The following PPARGC1A variants were observed in gnomAD, a reference collection of about 807,000 sequenced individuals.
The protein encoded by PPARGC1A is peroxisome proliferator-activated receptor gamma coactivator 1-alpha.
Under a neutral mutation model 88.7 loss-of-function variants are expected in PPARGC1A, and 25 were observed. The ratio of observed to expected loss-of-function variants is 0.28; its 90% CI spans 0.21 to 0.39. The LOEUF is 0.39. Ranked by LOEUF, PPARGC1A falls within the 10% of genes least tolerant of loss-of-function variation. The pLI is 1.00. For synonymous variants in PPARGC1A, 363 were observed against 355.6 expected, an observed-to-expected ratio of 1.02 and a Z score of -0.24; for missense variants, 880 against 968.7, an observed-to-expected ratio of 0.91 and a Z score of 1.22.
At chr4:24,340,216 T>G in the PPARGC1A span, among the ~76,000 whole-genome samples, 1 of 152,234 alleles carries the variant, frequency 6.6e-6, no homozygotes. Flanking sequence ...CATTTTGAAC[T>G]ATAGAGATAT....
chr4:23,937,874 C>G, the PPARGC1A span, among the ~76,000 whole-genome samples: 1 of 152,136 alleles, frequency 6.6e-6, no homozygotes, highest in Non-Finnish European at 1.5e-5. Context: ...TTCAATTATA[C>G]GACTTCTCAT....
chr4:24,456,524 T>C, the PPARGC1A span, among the ~76,000 whole-genome samples: 2 of 152,144 alleles, frequency 1.3e-5, no homozygotes, highest in Admixed American at 1.3e-4. Flanking sequence ...TTCTTTGGTA[T>C]GGCTGGTTTT....
At position 23,828,488 on chromosome 4, in the gene PPARGC1A, G is replaced by C. The variant is rs775464122; in HGVS notation, c.669C>G (p.Thr223=). 3 of 1,613,918 alleles carry C rather than the reference G, an allele frequency of 1.9e-6. No individual in the cohort carries two copies. The highest frequency in any genetic ancestry group is 2.5e-6 in the Non-Finnish European group (3 of 1,179,954). ...TGCTGTTTCTGTTCTCTGTGGGTTTGGTGTGAGGAGGGTCATCGTTTGTGG... is the reference window on the plus strand; with the variant it reads ...TGCTGTTTCTGTTCTCTGTGGGTTTCGTGTGAGGAGGGTCATCGTTTGTGG... ...YLTTNDDPPH[T]KPTENRNSSR... Residue 223 remains threonine, a synonymous_variant, in exon 5 of 13, where the codon ACC becomes ACG. Transcript: ENST00000264867.
At chr4:23,916,891 G>A in the PPARGC1A span, among the ~76,000 whole-genome samples, 30,645 of 152,122 alleles carry the variant, frequency 0.2, 3,384 homozygotes, top group East Asian at 0.36. Flanking sequence ...GTATTAACAT[G>A]AACATTTTTA....
the PPARGC1A span, among the ~76,000 whole-genome samples, chr4:24,447,448 C>T: frequency 6.6e-6 from 1 of 152,176 alleles, no homozygotes; most frequent in African/African-American, 2.4e-5. Flanking sequence ...ACAGGGCTGG[C>T]AGCCATTGGG....
At chr4:24,037,414 C>A in the PPARGC1A span, among the ~76,000 whole-genome samples, 1 of 152,142 alleles carries the variant, frequency 6.6e-6, no homozygotes, top group Non-Finnish European at 1.5e-5. Flanking sequence ...TCTTCCCGAG[C>A]TCACCTTCAT....
chr4:24,362,350 C>T, the PPARGC1A span, among the ~76,000 whole-genome samples: 1 of 148,946 alleles, frequency 6.7e-6, no homozygotes, highest in African/African-American at 2.5e-5. Flanking sequence ...GAACACATGA[C>T]TGGATGGATG....
intron 11 of PPARGC1A, among the ~76,000 whole-genome samples, 155 bp from the exon 12 acceptor site, chr4:23,802,036 T>C (rs1211245011): frequency 6.6e-6 from 1 of 152,152 alleles, no homozygotes; most frequent in Non-Finnish European, 1.5e-5. Context: ...TAAATACTTA[T>C]TTCTGGGACA....
chr4:23,926,149 C>T, the PPARGC1A span, among the ~76,000 whole-genome samples: 2 of 152,158 alleles, frequency 1.3e-5, no homozygotes, highest in East Asian at 3.9e-4. Context: ...ATCTCATTGC[C>T]TCTCATGGCT....
At chr4:23,912,648 C>T in the PPARGC1A span, among the ~76,000 whole-genome samples, 1 of 152,102 alleles carries the variant, frequency 6.6e-6, no homozygotes, top group Non-Finnish European at 1.5e-5. Flanking sequence ...TCCCTATGAG[C>T]TATGAAACCT....
the PPARGC1A span, among the ~76,000 whole-genome samples, chr4:23,950,988 T>C: frequency 6.6e-6 from 1 of 152,090 alleles, no homozygotes; most frequent in Admixed American, 6.6e-5. Flanking sequence ...GATTACGTAG[T>C]CCTCTCTGCT....
chr4:24,091,495 T>A, the PPARGC1A span: 1 of 985,392 alleles, frequency 1.0e-6, no homozygotes, highest in South Asian at 4.7e-5. Flanking sequence ...GCTGAAGTAC[T>A]TTTTTCCAGT....
chr4:24,426,218 T>C, the PPARGC1A span, among the ~76,000 whole-genome samples: 2 of 152,180 alleles, frequency 1.3e-5, no homozygotes, highest in Admixed American at 6.5e-5. Context: ...ACTATTGATA[T>C]TGTGATTCTT....
chr4:24,045,644 T>C, the PPARGC1A span, among the ~76,000 whole-genome samples: 1 of 152,178 alleles, frequency 6.6e-6, no homozygotes, highest in Non-Finnish European at 1.5e-5. Context: ...GTCTTCAAAT[T>C]TCTCTCTTCT....
the PPARGC1A span, among the ~76,000 whole-genome samples, chr4:24,029,357 AT>A: frequency 6.6e-6 from 1 of 152,134 alleles, no homozygotes; most frequent in African/African-American, 2.4e-5. Flanking sequence ...ACATTATCCT[AT>A]TTTCCCTATA....
the PPARGC1A span, among the ~76,000 whole-genome samples, chr4:24,213,123 GC>G: frequency 6.7e-6 from 1 of 149,790 alleles, no homozygotes; most frequent in East Asian, 2.0e-4. Context: ...CTACTCCATC[GC>G]CCCCGAGTCT....
chr4:23,861,804 A>G (rs1485474234), intron 2 of PPARGC1A, among the ~76,000 whole-genome samples: 3 of 152,254 alleles, frequency 2.0e-5, no homozygotes, highest in African/African-American at 7.2e-5. Context: ...GGGGAAATAT[A>G]CATATATTCC....
At chr4:24,447,777 C>A in the PPARGC1A span, among the ~76,000 whole-genome samples, 6 of 152,182 alleles carry the variant, frequency 3.9e-5, no homozygotes, top group Admixed American at 2.6e-4. Flanking sequence ...AGGTCCTAAA[C>A]GTTAGGAGAA....
the PPARGC1A span, among the ~76,000 whole-genome samples, chr4:24,156,209 A>T: frequency 3.9e-5 from 6 of 152,274 alleles, no homozygotes; most frequent in South Asian, 8.3e-4. Context: ...GTATTTTGGG[A>T]TATATAACAC....
Sources: allele counts gnomAD v4.1 joint callset (sites outside exome capture counted in the v4.1 genomes callset), GRCh38; gene constraint gnomAD v4.1.1; transcripts MANE v1.5; gene names NCBI Gene and HGNC (gene_info 2026-07-23, HGNC 2026-07-21).